The following RIMBP2 variants were observed in gnomAD, a reference collection of about 807,000 sequenced individuals.
The protein encoded by RIMBP2 is RIMS-binding protein 2.
In RIMBP2, 48 loss-of-function variants were observed where a neutral mutation model predicts 118.6. The observed-to-expected ratio is 0.40, with a 90% CI of 0.32 to 0.51. The LOEUF (loss-of-function observed/expected upper bound fraction) is 0.51. RIMBP2 is among the 20% of genes least tolerant of loss of function. The pLI is 0.41. For synonymous variants in RIMBP2, 762 were observed against 742.9 expected (o/e 1.03, Z -0.42); for missense variants, 1,551 against 1,768.3 (o/e 0.88, Z 2.20).
At position 130,424,785 on chromosome 12, in the gene RIMBP2, T is replaced by G; in HGVS notation, c.2486A>C (p.Lys829Thr). Residue 829 changes from lysine to threonine, a missense_variant, in exon 16 of 23, where the codon AAG becomes ACG. Coordinates refer to ENST00000690449, the MANE Select transcript of RIMBP2 (RefSeq NM_001393629.1). This position sits in a 1 kb window ranked among gnomAD's most constrained non-coding sequence, Gnocchi z 9.8. ...QPEFPHQPHR[K>T]RLFSIPEVAE... ...TACTTCGGGGATACTGAAAAGTCTCTTCCTGTGGGGCTGGTGGGGAAACTC... is the reference window on the plus strand; with the variant it reads ...TACTTCGGGGATACTGAAAAGTCTCGTCCTGTGGGGCTGGTGGGGAAACTC... 1 of 1,232,942 alleles carries G rather than the reference T, an allele frequency of 8.1e-7. No individual in the cohort carries two copies. The highest frequency in any genetic ancestry group is 3.2e-5 in the East Asian group (1 of 31,702). 76.4% of individuals were successfully genotyped at this position (1,232,942 alleles called of 1,614,324 possible).
At chr12:130,647,679 C>T (rs1458656660) in intron 1 of RIMBP2, among the ~76,000 whole-genome samples, 2 of 145,512 alleles carry the variant, frequency 1.4e-5, no homozygotes. Flanking sequence ...AGTTTCTCCT[C>T]CTAACCAACT....
chr12:130,512,941 A>G lies in RIMBP2; in HGVS notation c.-127+4887T>C, dbSNP rs150320995. ...AAAAACTAAGCCTCACGAATCCCAA[A>G]TGTCTATGTGTGTCATCCTTTTAAA... On this transcript the variant is annotated intron_variant, in intron 3 of 22. Coordinates refer to ENST00000690449, the MANE Select transcript of RIMBP2 (RefSeq NM_001393629.1). Among the ~76,000 whole-genome samples, 387 of 152,184 alleles carry G rather than the reference A, an allele frequency of 2.5e-3. 3 individuals carry two copies. Among genetic ancestry groups the G allele is most frequent in the Middle Eastern group, 6.8e-3 (2 of 294 alleles).
intron 2 of RIMBP2, among the ~76,000 whole-genome samples, chr12:130,603,697 C>T (rs1322663726): frequency 6.6e-6 from 1 of 152,132 alleles, no homozygotes; most frequent in Admixed American, 6.5e-5. Flanking sequence ...GGTGAAAGCT[C>T]GCTGTAGCCC....
At chr12:130,508,090 G>T (rs187392295) in intron 3 of RIMBP2, among the ~76,000 whole-genome samples, 1 of 152,056 alleles carries the variant, frequency 6.6e-6, no homozygotes, top group Non-Finnish European at 1.5e-5. Flanking sequence ...AAATGCCCCC[G>T]GAGAAAATGT....
At chr12:130,438,335 A>AGCCCCCCCCCCCCCC in intron 12 of RIMBP2, 30 bp downstream of exon 12, 7 of 865,008 alleles carry the variant, frequency 8.1e-6, no homozygotes, top group Non-Finnish European at 9.6e-6. Flanking sequence ...GGCCTAACAA[A>AGCCCCCCCCCCCCCC]CCCTCCCCAC....
chr12:130,407,683 G>A, intron 20 of RIMBP2, 43 bp downstream of exon 20: 1 of 1,450,306 alleles, frequency 6.9e-7, no homozygotes, highest in Non-Finnish European at 9.7e-7. Flanking sequence ...GGAAGGGAAG[G>A]GTGTGGTTGT....
chr12:130,549,550 C>G (rs1441956397), intron 2 of RIMBP2, among the ~76,000 whole-genome samples: 1 of 152,184 alleles, frequency 6.6e-6, no homozygotes, highest in African/African-American at 2.4e-5. Context: ...CTGCTGTTCC[C>G]CTTTGTGTCC....
intron 21 of RIMBP2, among the ~76,000 whole-genome samples, chr12:130,401,118 CTT>C (rs761521395): frequency 1.1e-4 from 17 of 149,680 alleles, no homozygotes; most frequent in African/African-American, 4.2e-4. Flanking sequence ...GATTTTATAT[CTT>C]TTTTTTTTAA....
intron 1 of RIMBP2, among the ~76,000 whole-genome samples, chr12:130,657,539 G>A (rs1047970987): frequency 1.3e-5 from 2 of 152,214 alleles, no homozygotes; most frequent in African/African-American, 2.4e-5. Context: ...GGAAGACAGA[G>A]AAAGATCCAT....
chr12:130,492,432 T>TG (rs2048726284), intron 4 of RIMBP2, among the ~76,000 whole-genome samples: 1 of 151,888 alleles, frequency 6.6e-6, no homozygotes, highest in African/African-American at 2.4e-5. Context: ...GGAGTTCCTT[T>TG]GGGGGAAAAA....
chr12:130,555,768 T>C (rs903675126), intron 2 of RIMBP2, among the ~76,000 whole-genome samples: 2 of 152,252 alleles, frequency 1.3e-5, no homozygotes, highest in African/African-American at 2.4e-5. Flanking sequence ...AAACTGCTAG[T>C]GCAAAAGCCA....
chr12:130,481,270 G>A (rs185924200), intron 4 of RIMBP2, among the ~76,000 whole-genome samples: 138 of 152,078 alleles, frequency 9.1e-4, no homozygotes, highest in African/African-American at 3.2e-3. Flanking sequence ...TACCTTTTTT[G>A]CTGCCTCTGA....
chr12:130,491,579 A>G (rs1191969268), intron 4 of RIMBP2, among the ~76,000 whole-genome samples: 1 of 152,032 alleles, frequency 6.6e-6, no homozygotes, highest in Non-Finnish European at 1.5e-5. Context: ...GGGCAATCGC[A>G]CTTTCCTTCT....
In RIMBP2 at chr12:130,643,047, G is replaced by A. The variant is rs762267801; in HGVS notation, c.-351-14591C>T. Reference sequence around the variant, plus strand: ...ATTCCAAATCCCTGCCTCTCTAAACGGCGATGGTTCTCCAACAGCTGCCTC... The same window carrying A: ...ATTCCAAATCCCTGCCTCTCTAAACAGCGATGGTTCTCCAACAGCTGCCTC... On this transcript the variant is annotated intron_variant, in intron 1 of 22. Coordinates refer to ENST00000690449, the MANE Select transcript of RIMBP2 (RefSeq NM_001393629.1). 7.4e-4 allele frequency among the ~76,000 whole-genome samples: 113 copies of A among 152,288 alleles called. 1 individual carries two copies. Among genetic ancestry groups the A allele is most frequent in the Non-Finnish European group, 7.6e-4 (52 of 68,032 alleles).
At chr12:130,702,930 G>A (rs1013800494) in intron 1 of RIMBP2, among the ~76,000 whole-genome samples, 8 of 152,196 alleles carry the variant, frequency 5.3e-5, no homozygotes, top group East Asian at 1.9e-4. Context: ...GTGCTCAGCC[G>A]GGACCTGCCT....
chr12:130,536,888 T>C (rs1314127676), intron 2 of RIMBP2, among the ~76,000 whole-genome samples: 1 of 152,124 alleles, frequency 6.6e-6, no homozygotes, highest in Non-Finnish European at 1.5e-5. Context: ...TATGGCATGA[T>C]GGGGAGGACA....
At chr12:130,494,019 C>A (rs2048894686) in intron 4 of RIMBP2, among the ~76,000 whole-genome samples, 1 of 152,272 alleles carries the variant, frequency 6.6e-6, no homozygotes, top group East Asian at 1.9e-4. Context: ...GGGCTGACAT[C>A]CCAGTGGGAA....
rs1424084449 is a variant in RIMBP2, at chr12:130,525,086, AG to A, written c.-216-7170del. Among the ~76,000 whole-genome samples, 1 of 152,204 alleles carries A rather than the reference AG, an allele frequency of 6.6e-6. No homozygotes were observed. The highest frequency in any genetic ancestry group is 6.5e-5 in the Admixed American group (1 of 15,282). On this transcript the variant is annotated intron_variant, in intron 2 of 22. Coordinates refer to ENST00000690449, the MANE Select transcript of RIMBP2 (RefSeq NM_001393629.1). The surrounding 1 kb of genome is among the most constrained non-coding windows in gnomAD (Gnocchi z 4.4). ...TGATACCGACACCACTTTGAGTCAC[AG>A]GAGGGGAGGAGCTCTCAGCAAGATT...
In RIMBP2 at chr12:130,418,520, A is replaced by G. The variant is rs190801233; in HGVS notation, c.3238+3933T>C. Among the ~76,000 whole-genome samples, 197 of 152,276 alleles carry G rather than the reference A, an allele frequency of 1.3e-3. 1 individual carries two copies. The highest frequency in any genetic ancestry group is 4.5e-3 in the African/African-American group (189 of 41,546). ...GATCTGCTGGAGGAACTTAATGACC[A>G]TGTCAGTGTGATCTAGTGAATGCAG... On this transcript the variant is annotated intron_variant, in intron 17 of 22. Transcript: ENST00000690449.
Sources: allele counts gnomAD v4.1 joint callset (sites outside exome capture counted in the v4.1 genomes callset), GRCh38; gene constraint gnomAD v4.1.1; non-coding constraint Gnocchi (gnomAD v3.1); transcripts MANE v1.5; gene names NCBI Gene and HGNC (gene_info 2026-07-23, HGNC 2026-07-21).